CHRM3: variants seen among roughly 807,000 people sequenced by gnomAD.
CHRM3 encodes cholinergic receptor muscarinic 3, also known as muscarinic acetylcholine receptor M3.
In CHRM3, 11 loss-of-function variants were observed where a neutral mutation model predicts 41.8. The ratio of observed to expected loss-of-function variants is 0.26; its 90% CI spans 0.17 to 0.44. CHRM3 has a LOEUF of 0.44. CHRM3 is among the 20% of genes least tolerant of loss of function. The pLI is 1.00. For synonymous variants in CHRM3, 297 were observed against 301.4 expected (o/e 0.99, Z 0.15); for missense variants, 571 against 745.4 (o/e 0.77, Z 2.72).
intron 6 of CHRM3, among the ~76,000 whole-genome samples, chr1:239,882,455 T>C (rs569552216): frequency 6.6e-6 from 1 of 152,306 alleles, no homozygotes; most frequent in African/African-American, 2.4e-5. Context: ...TTTAATGTAT[T>C]CTGAATACTT....
intron 1 of CHRM3, among the ~76,000 whole-genome samples, chr1:239,402,258 A>G (rs192952366): frequency 2.0e-5 from 3 of 152,276 alleles, no homozygotes; most frequent in Admixed American, 2.0e-4. Flanking sequence ...TTCAGACTTG[A>G]ATCCTTCTGA....
At chr1:239,403,472 A>G (rs1660150543) in intron 1 of CHRM3, among the ~76,000 whole-genome samples, 1 of 152,194 alleles carries the variant, frequency 6.6e-6, no homozygotes, top group Non-Finnish European at 1.5e-5. Flanking sequence ...GATGACTTAT[A>G]TGCAGAACAT....
At chr1:239,862,189 A>C (rs912337406) in intron 6 of CHRM3, among the ~76,000 whole-genome samples, 1 of 152,188 alleles carries the variant, frequency 6.6e-6, no homozygotes, top group Non-Finnish European at 1.5e-5. Context: ...CTGCAAACAC[A>C]AGAGGAAGTT....
rs1326624619 is a variant in CHRM3, at chr1:239,668,073, C to CT, written c.-249-10105dup. ...TAAGGTCAAATACACTTTTTCTTTT[C>CT]TTTTTTTTCCCCTTTCTTTTTTTTT... On this transcript the variant is annotated intron_variant, in intron 4 of 6. Transcript: ENST00000676153. Among the ~76,000 whole-genome samples, 36 of 94,022 alleles carry CT rather than the reference C, an allele frequency of 3.8e-4. No individual in the cohort carries two copies. In the East Asian group the frequency reaches 9.8e-3, roughly 26 times the overall value. The allele number at this position is 94,022 out of a possible 152,430, so 61.7% of individuals were successfully genotyped here. A position where few individuals can be genotyped will look rare whatever the true frequency, so the allele number is the denominator to read the frequency against.
chr1:239,794,545 C>T (rs185423101), intron 5 of CHRM3, among the ~76,000 whole-genome samples: 256 of 152,208 alleles, frequency 1.7e-3, no homozygotes, highest in African/African-American at 5.8e-3. Flanking sequence ...CTGTTACATG[C>T]GTCCTGCATT....
chr1:239,622,579 A>G (rs1668506176), intron 3 of CHRM3, among the ~76,000 whole-genome samples: 1 of 152,222 alleles, frequency 6.6e-6, no homozygotes, highest in Admixed American at 6.5e-5. Flanking sequence ...CCATTGTGGT[A>G]GAAACAGCAA....
intron 5 of CHRM3, among the ~76,000 whole-genome samples, chr1:239,786,919 A>T (rs1668949964): frequency 6.6e-6 from 1 of 152,232 alleles, no homozygotes; most frequent in African/African-American, 2.4e-5. Flanking sequence ...ACAGGGAGCC[A>T]CTGAAGGACA....
intron 2 of CHRM3, among the ~76,000 whole-genome samples, chr1:239,521,057 A>G (rs1291210141): frequency 1.3e-5 from 2 of 152,220 alleles, no homozygotes; most frequent in Non-Finnish European, 2.9e-5. Context: ...GAAATCTTTT[A>G]GAATATATTT....
chr1:239,702,942 G>C (rs1209152652), intron 5 of CHRM3, among the ~76,000 whole-genome samples: 1 of 152,110 alleles, frequency 6.6e-6, no homozygotes, highest in Non-Finnish European at 1.5e-5. Context: ...TGTGCAAATT[G>C]ATAATATTTT....
At chr1:239,533,698 T>A (rs1572629620) in intron 2 of CHRM3, among the ~76,000 whole-genome samples, 1 of 124,476 alleles carries the variant, frequency 8.0e-6, no homozygotes, top group Non-Finnish European at 1.6e-5. Flanking sequence ...ACCATTGCAC[T>A]CCAGCCTGGG....
chr1:239,730,440 G>A (rs1663860833), intron 5 of CHRM3: 1 of 151,972 alleles, frequency 6.6e-6, no homozygotes, highest in South Asian at 2.1e-4. Context: ...CAGGCTATGG[G>A]AATACAGAGG....
chr1:239,484,951 A>G (rs571347862), intron 1 of CHRM3, among the ~76,000 whole-genome samples: 1 of 152,184 alleles, frequency 6.6e-6, no homozygotes, highest in African/African-American at 2.4e-5. Context: ...ACTCCAGTTC[A>G]TACATTTTTA....
At chr1:239,546,040 G>C (rs563953649) in intron 3 of CHRM3, 1 of 152,176 alleles carries the variant, frequency 6.6e-6, no homozygotes, top group South Asian at 2.1e-4. Flanking sequence ...AAACGTCACT[G>C]GACAGTTTCG....
At chr1:239,813,002 A>G (rs572938) in intron 5 of CHRM3, among the ~76,000 whole-genome samples, 82,206 of 152,084 alleles carry the variant, frequency 0.54, 23,170 homozygotes, top group African/African-American at 0.7. Context: ...TTTTGTGGCC[A>G]GCCACAGTGG....
At chr1:239,573,760 T>C (rs1662043855) in intron 3 of CHRM3, among the ~76,000 whole-genome samples, 1 of 152,068 alleles carries the variant, frequency 6.6e-6, no homozygotes, top group Non-Finnish European at 1.5e-5. Context: ...AAAGCAAGCA[T>C]TTTGTGTGTA....
At chr1:239,583,051 G>T (rs747924819) in intron 3 of CHRM3, among the ~76,000 whole-genome samples, 1 of 152,092 alleles carries the variant, frequency 6.6e-6, no homozygotes, top group Non-Finnish European at 1.5e-5. Context: ...CATCTTCCTT[G>T]TCACCCAATC....
chr1:239,769,620 G>T (rs1002578544), intron 5 of CHRM3, among the ~76,000 whole-genome samples: 1 of 152,152 alleles, frequency 6.6e-6, no homozygotes, highest in Non-Finnish European at 1.5e-5. Flanking sequence ...TTTGTGTGGC[G>T]CCTGTAAGCC....
chr1:239,589,840 C>T (rs191833927), intron 3 of CHRM3, among the ~76,000 whole-genome samples: 9 of 151,418 alleles, frequency 5.9e-5, no homozygotes, highest in Admixed American at 5.9e-4. Flanking sequence ...ACACATATGT[C>T]TGACTATGCA....
At chr1:239,763,948 A>G (rs1234979740) in intron 5 of CHRM3, among the ~76,000 whole-genome samples, 2 of 151,658 alleles carry the variant, frequency 1.3e-5, no homozygotes. Context: ...AAAATTAGTC[A>G]GGCATGGTGT....
Sources: allele counts gnomAD v4.1 joint callset (sites outside exome capture counted in the v4.1 genomes callset), GRCh38; gene constraint gnomAD v4.1.1; transcripts MANE v1.5; gene names NCBI Gene and HGNC (gene_info 2026-07-23, HGNC 2026-07-21).